Variants in ACOT1 observed in about 807,000 individuals in gnomAD.
ACOT1 encodes the protein acyl-coenzyme A thioesterase 1.
A neutral mutation model predicts 15.7 loss-of-function variants in ACOT1; 8 were observed. The ratio of observed to expected loss-of-function variants is 0.51; its 90% CI spans 0.30 to 0.92. The LOEUF (loss-of-function observed/expected upper bound fraction) is 0.92, where lower values mean the gene tolerates loss of function less well. Ranked by LOEUF, ACOT1 falls within the 40% of genes least tolerant of loss-of-function variation. The pLI is 0.06. For missense variants in ACOT1, 151 were observed against 539.4 expected (o/e 0.28, Z 7.13); for synonymous variants, 67 against 241.2 (o/e 0.28, Z 6.69).
chr14:73,530,638 A>G, the ACOT1 span: 2 of 119,552 alleles, frequency 1.7e-5, no homozygotes. Flanking sequence ...TAATGCCTTG[A>G]TTTGTTTTTT....
the ACOT1 span, chr14:73,491,732 C>T: frequency 6.4e-7 from 1 of 1,553,486 alleles, no homozygotes; most frequent in East Asian, 2.4e-5. Context: ...CACCTACTAC[C>T]AGGGACTTTT....
the ACOT1 span, among the ~76,000 whole-genome samples, chr14:73,515,031 G>A: frequency 6.7e-6 from 1 of 149,540 alleles, no homozygotes; most frequent in Non-Finnish European, 1.5e-5. Context: ...TTGCACCACT[G>A]CATTCCAGCC....
intron 2 of ACOT1, among the ~76,000 whole-genome samples, chr14:73,542,580 AT>A (rs1325095148): frequency 3.1e-5 from 3 of 98,054 alleles, no homozygotes; most frequent in Non-Finnish European, 6.4e-5. Context: ...TAATTTTTGT[AT>A]TTTTAGTAGA....
the ACOT1 span, chr14:73,521,068 G>A: frequency 4.4e-6 from 7 of 1,593,872 alleles, no homozygotes; most frequent in Admixed American, 1.7e-5. Context: ...GGAGGGAAAA[G>A]GGGGAAAGAG....
the ACOT1 span, chr14:73,522,234 G>T: frequency 1.9e-6 from 3 of 1,586,724 alleles, no homozygotes; most frequent in Admixed American, 5.2e-5. Flanking sequence ...GGGAGTCAGG[G>T]ATTATCAAAG....
the ACOT1 span, among the ~76,000 whole-genome samples, chr14:73,523,592 C>T: frequency 6.6e-6 from 1 of 152,184 alleles, no homozygotes; most frequent in African/African-American, 2.4e-5. Flanking sequence ...ATGAGTTTGG[C>T]CTCAGTTTAT....
chr14:73,513,506 A>C, the ACOT1 span, among the ~76,000 whole-genome samples: 1 of 151,742 alleles, frequency 6.6e-6, no homozygotes. Context: ...CGGGCAGATC[A>C]CCTGAGGTCA....
At chr14:73,511,007 T>G in the ACOT1 span, among the ~76,000 whole-genome samples, 2 of 152,186 alleles carry the variant, frequency 1.3e-5, no homozygotes, top group Non-Finnish European at 2.9e-5. Flanking sequence ...ACAGGATTTA[T>G]ATCATAACCA....
At chr14:73,522,534 G>A in the ACOT1 span, 1 of 1,614,156 alleles carries the variant, frequency 6.2e-7, no homozygotes, top group East Asian at 2.2e-5. Flanking sequence ...AGCTTTTCCA[G>A]CACAGTGGCC....
chr14:73,497,954 G>A, the ACOT1 span, among the ~76,000 whole-genome samples: 1 of 152,160 alleles, frequency 6.6e-6, no homozygotes. Context: ...GAGAAAAGAT[G>A]CATGAACTAC....
chr14:73,508,121 A>G, the ACOT1 span: 1 of 1,612,576 alleles, frequency 6.2e-7, no homozygotes, highest in Non-Finnish European at 8.5e-7. Flanking sequence ...CTGACCCGGT[A>G]ATGGACACAT....
chr14:73,506,810 TTTTTTTTTTTTTTTTCTGAGAA>T, the ACOT1 span, among the ~76,000 whole-genome samples: 3,785 of 133,126 alleles, frequency 0.028, 195 homozygotes, highest in African/African-American at 0.1. Context: ...AACTGTTTTT[TTTTTTTTTTTTTTTTCTGAGAA>T]GGTTGTCCCC....
chr14:73,491,496 C>A, the ACOT1 span: 12 of 1,508,120 alleles, frequency 8.0e-6, no homozygotes, highest in Non-Finnish European at 1.1e-5. Flanking sequence ...GCCGTCCAGT[C>A]GTCCGGGGCC....
the ACOT1 span, among the ~76,000 whole-genome samples, chr14:73,506,802 C>CTTTTTT: frequency 1.7e-5 from 1 of 58,048 alleles, no homozygotes; most frequent in African/African-American, 1.0e-4. Flanking sequence ...CTGACTTTAA[C>CTTTTTT]TGTTTTTTTT....
At chr14:73,528,585 G>A in the ACOT1 span, among the ~76,000 whole-genome samples, 6 of 152,010 alleles carry the variant, frequency 3.9e-5, no homozygotes, top group African/African-American at 1.5e-4. Flanking sequence ...CAGGTGTAAG[G>A]CCAAATTGTG....
At chr14:73,497,869 T>A in the ACOT1 span, among the ~76,000 whole-genome samples, 1 of 151,938 alleles carries the variant, frequency 6.6e-6, no homozygotes, top group Admixed American at 6.5e-5. Flanking sequence ...CAGGTGATCC[T>A]CCTGCCTCAG....
Position 73,537,341 on chromosome 14 carries a change from C to T in ACOT1, c.-81C>T. The T allele has an allele frequency of 1.7e-6, 2 of 1,151,216 alleles. 1 individual carries two copies. Among genetic ancestry groups the T allele is most frequent in the Non-Finnish European group, 2.3e-6 (2 of 863,904 alleles). 71.3% of individuals were successfully genotyped at this position (1,151,216 alleles called of 1,614,324 possible). ...GTGGGCGTTTAGCCTGCGACGGCAGCCCGAGAGGAAGAGTTGGGCAGAGTT... is the reference window on the plus strand; with the variant it reads ...GTGGGCGTTTAGCCTGCGACGGCAGTCCGAGAGGAAGAGTTGGGCAGAGTT... On this transcript the variant is annotated 5_prime_UTR_variant, in exon 1 of 3. Transcript: ENST00000311148.
chr14:73,496,661 C>T, the ACOT1 span: 4 of 1,585,528 alleles, frequency 2.5e-6, no homozygotes, highest in Non-Finnish European at 3.5e-6. Context: ...TGAGTATCTT[C>T]ATTGTCTGGT....
At chr14:73,506,804 G>GTTTTTTTTTTTTTTTGTTTT in the ACOT1 span, among the ~76,000 whole-genome samples, 5 of 80,522 alleles carry the variant, frequency 6.2e-5, 2 homozygotes, top group African/African-American at 2.4e-4. Context: ...GACTTTAACT[G>GTTTTTTTTTTTTTTTGTTTT]TTTTTTTTTT....
Sources: gnomAD v4.1 joint callset for allele counts (sites outside exome capture counted in the v4.1 genomes callset) on GRCh38, gnomAD v4.1.1 for gene constraint, MANE v1.5 for transcripts, NCBI Gene and HGNC (gene_info 2026-07-23, HGNC 2026-07-21) for gene names.